Variants in TCF4 observed in about 807,000 individuals in gnomAD.
TCF4 encodes the protein transcription factor 4.
In TCF4, 3 loss-of-function variants were observed where a neutral mutation model predicts 82.1. The observed-to-expected ratio is 0.04, with a 90% CI of 0.02 to 0.09. The LOEUF is 0.09. Ranked by LOEUF, TCF4 falls within the 10% of genes least tolerant of loss-of-function variation. TCF4 has a pLI of 1.00. For synonymous variants in TCF4, 276 were observed against 309.6 expected (o/e 0.89, Z 1.14); for missense variants, 518 against 852.7 (o/e 0.61, Z 4.89).
intron 3 of TCF4, among the ~76,000 whole-genome samples, chr18:55,556,134 T>C (rs1284401836): frequency 6.6e-6 from 1 of 151,836 alleles, no homozygotes; most frequent in Admixed American, 6.6e-5. Context: ...AGTGAGCTTA[T>C]ATACCTTTAT....
At chr18:55,334,101 A>T (rs979895923) in intron 8 of TCF4, among the ~76,000 whole-genome samples, 2 of 152,154 alleles carry the variant, frequency 1.3e-5, no homozygotes, top group African/African-American at 4.8e-5. Flanking sequence ...TTTTCTATGC[A>T]GTAACTAGTG....
At chr18:55,595,175 T>TA (rs1246160921) in intron 2 of TCF4, among the ~76,000 whole-genome samples, 11 of 152,346 alleles carry the variant, frequency 7.2e-5, no homozygotes, top group Admixed American at 2.6e-4. Flanking sequence ...TTATTTAAAT[T>TA]AATGTAACTT....
chr18:55,495,438 T>C (rs62091170), intron 3 of TCF4, among the ~76,000 whole-genome samples: 3,315 of 152,286 alleles, frequency 0.022, 57 homozygotes, highest in Non-Finnish European at 0.033. Flanking sequence ...GAAAGAACTT[T>C]AGAAGTTCAA....
intron 8 of TCF4, among the ~76,000 whole-genome samples, chr18:55,345,298 A>C (rs1207578523): frequency 1.3e-5 from 2 of 150,162 alleles, no homozygotes; most frequent in Admixed American, 6.6e-5. Context: ...GTTTTCACAA[A>C]AAAAAAAAAA....
At chr18:55,612,865 T>C (rs1364959694) in intron 2 of TCF4, among the ~76,000 whole-genome samples, 1 of 152,138 alleles carries the variant, frequency 6.6e-6, no homozygotes, top group Non-Finnish European at 1.5e-5. Context: ...CGAGAATCGC[T>C]TGAATTCAGG....
At chr18:55,260,159 A>T (rs968794635) in intron 12 of TCF4, 132 bp from the exon 13 acceptor site, 3 of 705,600 alleles carry the variant, frequency 4.3e-6, no homozygotes, top group African/African-American at 1.8e-5. Context: ...AATCAACTAC[A>T]GTACCAAAAT....
chr18:55,378,604 G>A (rs1031817522), intron 6 of TCF4, among the ~76,000 whole-genome samples: 1 of 152,172 alleles, frequency 6.6e-6, no homozygotes, highest in Non-Finnish European at 1.5e-5. Flanking sequence ...AAGTCTGATT[G>A]AAAGGCTACA....
At chr18:55,396,893 T>C (rs2093529558) in intron 6 of TCF4, among the ~76,000 whole-genome samples, 1 of 152,158 alleles carries the variant, frequency 6.6e-6, no homozygotes, top group African/African-American at 2.4e-5. Context: ...AAATGAATGA[T>C]GAAAGAAACT....
intron 8 of TCF4, among the ~76,000 whole-genome samples, chr18:55,282,930 G>T (rs908851114): frequency 3.3e-5 from 5 of 151,830 alleles, no homozygotes; most frequent in African/African-American, 1.2e-4. Context: ...TTTTGTTGCC[G>T]AATTGGAAAT....
At chr18:55,501,659 CAGTT>C (rs991756892) in intron 3 of TCF4, among the ~76,000 whole-genome samples, 4 of 150,836 alleles carry the variant, frequency 2.7e-5, no homozygotes, top group South Asian at 2.1e-4. Flanking sequence ...ACTGAGGAAA[CAGTT>C]AGCAGATTAA....
At position 55,265,636 on chromosome 18, in the gene TCF4, T is replaced by C. The variant is rs562252764; in HGVS notation, c.923-4103A>G. The C allele has an allele frequency of 4.6e-5, 7 of 152,284 alleles. No individual in the cohort carries two copies. In the East Asian group the frequency reaches 1.4e-3, roughly 29 times the overall value. The allele number at this position is 152,284 out of a possible 1,614,324, so 9.4% of individuals were successfully genotyped here. A position where few individuals can be genotyped will look rare whatever the true frequency, so the allele number is the denominator to read the frequency against. ...CTGTGCTTGTTCATCGCCTGACTAC[T>C]TCAAGGCTCAATATTCTTGTAAAAT... On this transcript the variant is annotated intron_variant, in intron 11 of 19. Coordinates refer to ENST00000354452, the MANE Select transcript of TCF4 (RefSeq NM_001083962.2).
intron 6 of TCF4, chr18:55,401,106 T>C (rs2093790119): frequency 1.6e-6 from 2 of 1,289,020 alleles, no homozygotes; most frequent in South Asian, 1.2e-5. Flanking sequence ...GCTGATGTTG[T>C]AGACAGGGAT....
intron 15 of TCF4, among the ~76,000 whole-genome samples, chr18:55,247,109 T>C (rs2053510428): frequency 6.6e-6 from 1 of 152,142 alleles, no homozygotes; most frequent in South Asian, 2.1e-4. Flanking sequence ...AGGTGGGCCA[T>C]ACGGTGTATA....
At chr18:55,365,234 T>C (rs2086679134) in intron 6 of TCF4, among the ~76,000 whole-genome samples, 1 of 134,928 alleles carries the variant, frequency 7.4e-6, no homozygotes, top group East Asian at 2.1e-4. Context: ...TGTGTGTGTG[T>C]ATATATATGT....
intron 5 of TCF4, among the ~76,000 whole-genome samples, chr18:55,458,657 T>C (rs2095813150): frequency 6.6e-6 from 1 of 152,222 alleles, no homozygotes; most frequent in African/African-American, 2.4e-5. Context: ...AGAATCTTTG[T>C]TCCCCGAATC....
At chr18:55,494,290 T>C (rs1375867989) in intron 3 of TCF4, among the ~76,000 whole-genome samples, 1 of 148,008 alleles carries the variant, frequency 6.8e-6, no homozygotes, top group African/African-American at 2.6e-5. Flanking sequence ...ATATATTCTA[T>C]TTGAGAAAAA....
intron 8 of TCF4, among the ~76,000 whole-genome samples, chr18:55,349,397 AACTAAT>A (rs1271790436): frequency 6.6e-6 from 1 of 152,254 alleles, no homozygotes; most frequent in Middle Eastern, 3.4e-3. Context: ...AATGAAATGA[AACTAAT>A]ATGCAAGCAT....
chr18:55,467,987 A>G (rs560444564), intron 3 of TCF4, among the ~76,000 whole-genome samples: 1 of 152,308 alleles, frequency 6.6e-6, no homozygotes, highest in Admixed American at 6.5e-5. Flanking sequence ...ACACAAAAGG[A>G]GGCTGAAGCT....
chr18:55,431,395 T>G (rs1373938026), intron 5 of TCF4, among the ~76,000 whole-genome samples: 1 of 152,186 alleles, frequency 6.6e-6, no homozygotes, highest in Non-Finnish European at 1.5e-5. Context: ...TTCTCTCGCC[T>G]CAGCCTCCCG....
Sources: gnomAD v4.1 joint callset for allele counts (sites outside exome capture counted in the v4.1 genomes callset) on GRCh38, gnomAD v4.1.1 for gene constraint, MANE v1.5 for transcripts, NCBI Gene and HGNC (gene_info 2026-07-23, HGNC 2026-07-21) for gene names.